KPNA7: variants seen among roughly 807,000 people sequenced by gnomAD.
KPNA7 encodes the protein karyopherin subunit alpha 7, also known as importin subunit alpha-8.
In KPNA7, 54 loss-of-function variants were observed where a neutral mutation model predicts 53.7. The observed-to-expected ratio is 1.01, with a 90% confidence interval of 0.81 to 1.26. The LOEUF (loss-of-function observed/expected upper bound fraction) is 1.26. Ranked by LOEUF, KPNA7 falls within the 50% of genes most tolerant of loss-of-function variation. The probability of loss-of-function intolerance (pLI) is 0.00; values close to 1 mark genes in which losing one functional copy is unlikely to be tolerated. For synonymous variants in KPNA7, 276 were observed against 259.3 expected (o/e 1.06, Z -0.62); for missense variants, 640 against 644.5 (o/e 0.99, Z 0.07).
the KPNA7 span, among the ~76,000 whole-genome samples, chr7:99,162,964 T>A: frequency 2.0e-5 from 3 of 152,260 alleles, no homozygotes; most frequent in South Asian, 4.1e-4. Context: ...GCAGATCAAC[T>A]GAGGTCGGGA....
chr7:99,198,518 G>A (rs912146157), intron 3 of KPNA7, among the ~76,000 whole-genome samples: 6 of 127,210 alleles, frequency 4.7e-5, no homozygotes, highest in Non-Finnish European at 7.0e-5. Context: ...TATTAATAAA[G>A]GGGGGGGAAC....
the KPNA7 span, among the ~76,000 whole-genome samples, chr7:99,167,327 C>T: frequency 1.3e-5 from 2 of 152,196 alleles, no homozygotes. Flanking sequence ...CTGATAGGAA[C>T]CGGGCCACCC....
chr7:99,193,218 G>C, intron 5 of KPNA7, 117 bp from the exon 6 acceptor site: 1 of 583,364 alleles, frequency 1.7e-6, no homozygotes, highest in East Asian at 3.3e-5. Flanking sequence ...CCCGGGTTTA[G>C]CAAGTAGGTA....
chr7:99,160,017 G>GGTTTTTTTTT, the KPNA7 span, among the ~76,000 whole-genome samples: 1 of 67,664 alleles, frequency 1.5e-5, no homozygotes, highest in Non-Finnish European at 2.8e-5. Flanking sequence ...TGTTGTTTTT[G>GGTTTTTTTTT]TTTTTTTTTT....
intron 1 of KPNA7, among the ~76,000 whole-genome samples, chr7:99,216,106 C>T (rs1014269518): frequency 6.6e-6 from 1 of 152,122 alleles, no homozygotes; most frequent in Non-Finnish European, 1.5e-5. Context: ...CAGCTCACTA[C>T]AGCCTCGACT....
intron 9 of KPNA7, among the ~76,000 whole-genome samples, chr7:99,178,771 CAAAAAAAAAAAA>C (rs756807848): frequency 0.035 from 958 of 27,708 alleles, 22 homozygotes; most frequent in African/African-American, 0.11. Flanking sequence ...ATCTTTGTCT[CAAAAAAAAAAAA>C]AAAAAAAAAA....
chr7:99,173,945 C>G (rs6942400), intron 10 of KPNA7, among the ~76,000 whole-genome samples, 151 bp from the exon 11 acceptor site: 2 of 152,016 alleles, frequency 1.3e-5, no homozygotes, highest in African/African-American at 4.8e-5. Context: ...CGCATTGTTG[C>G]GCAACCATCA....
the KPNA7 span, among the ~76,000 whole-genome samples, chr7:99,160,752 T>TGA: frequency 6.6e-6 from 1 of 152,168 alleles, no homozygotes; most frequent in East Asian, 1.9e-4. Context: ...GTGGAGTGGA[T>TGA]GAGTAGGGAA....
At chr7:99,146,897 GA>G in the KPNA7 span, among the ~76,000 whole-genome samples, 1 of 152,026 alleles carries the variant, frequency 6.6e-6, no homozygotes, top group Non-Finnish European at 1.5e-5. Context: ...TTATTATAAA[GA>G]ATTTTGAATC....
intron 4 of KPNA7, among the ~76,000 whole-genome samples, chr7:99,195,851 A>T (rs999077218): frequency 6.6e-6 from 1 of 152,250 alleles, no homozygotes; most frequent in Non-Finnish European, 1.5e-5. Context: ...AAATTTCTGT[A>T]GAGGCCAATG....
At chr7:99,165,547 T>TG in the KPNA7 span, among the ~76,000 whole-genome samples, 12 of 152,150 alleles carry the variant, frequency 7.9e-5, no homozygotes, top group African/African-American at 2.9e-4. Flanking sequence ...ATCATAGACT[T>TG]GCTGTCATCA....
At chr7:99,206,463 G>T (rs1790820396) in intron 2 of KPNA7, among the ~76,000 whole-genome samples, 1 of 151,422 alleles carries the variant, frequency 6.6e-6, no homozygotes, top group African/African-American at 2.4e-5. Context: ...AGCCCAGCCT[G>T]GTTTTTTATT....
At chr7:99,152,636 A>G in the KPNA7 span, among the ~76,000 whole-genome samples, 1 of 152,212 alleles carries the variant, frequency 6.6e-6, no homozygotes, top group Non-Finnish European at 1.5e-5. Context: ...CTTGGGACGT[A>G]TCTTTGGTAA....
intron 10 of KPNA7, 101 bp downstream of exon 10, chr7:99,177,819 C>T (rs1798968373): frequency 2.4e-6 from 3 of 1,241,706 alleles, no homozygotes; most frequent in Non-Finnish European, 1.1e-6. Context: ...CCTGCCCAGT[C>T]ACCTGCCACA....
At chr7:99,199,065 GAAAAAAAAAA>G (rs67877761) in intron 3 of KPNA7, among the ~76,000 whole-genome samples, 9 of 61,148 alleles carry the variant, frequency 1.5e-4, no homozygotes, top group African/African-American at 6.1e-4. Context: ...GCTGCAAACT[GAAAAAAAAAA>G]AAAAAAAAAA....
At chr7:99,155,059 A>G in the KPNA7 span, among the ~76,000 whole-genome samples, 1 of 152,294 alleles carries the variant, frequency 6.6e-6, no homozygotes, top group African/African-American at 2.4e-5. Context: ...ATATGTATAG[A>G]CATATGCACA....
At chr7:99,204,260 T>C (rs1477080168) in intron 2 of KPNA7, among the ~76,000 whole-genome samples, 1 of 152,030 alleles carries the variant, frequency 6.6e-6, no homozygotes, top group Non-Finnish European at 1.5e-5. Flanking sequence ...TAGTCCCAGC[T>C]ACTTGGGAGT....
the KPNA7 span, among the ~76,000 whole-genome samples, chr7:99,167,080 G>A: frequency 1.3e-5 from 2 of 152,170 alleles, no homozygotes; most frequent in African/African-American, 4.8e-5. Context: ...AGCTTACAAG[G>A]CTCCCTGATA....
the KPNA7 span, among the ~76,000 whole-genome samples, chr7:99,163,383 A>ATATATT: frequency 1.5e-3 from 63 of 40,812 alleles, 1 homozygote; most frequent in East Asian, 3.0e-3. Flanking sequence ...ATATATATAT[A>ATATATT]TTTTTTTTTT....
Sources: allele counts gnomAD v4.1 joint callset (sites outside exome capture counted in the v4.1 genomes callset), GRCh38; gene constraint gnomAD v4.1.1; transcripts MANE v1.5; gene names NCBI Gene and HGNC (gene_info 2026-07-23, HGNC 2026-07-21).